The following GLIPR2 variants were observed in gnomAD, a reference collection of about 807,000 sequenced individuals.
GLIPR2 encodes Golgi-associated plant pathogenesis-related protein 1.
Under a neutral mutation model 20.4 loss-of-function variants are expected in GLIPR2, and 21 were observed. That is an observed-to-expected ratio of 1.03 (90% CI 0.73 to 1.48). The LOEUF is 1.48. Ranked by LOEUF, GLIPR2 falls within the 40% of genes most tolerant of loss-of-function variation. The pLI, the probability that GLIPR2 is intolerant of heterozygous loss-of-function variation, is 0.00. For missense variants in GLIPR2, 205 were observed against 200.1 expected, an observed-to-expected ratio of 1.02 and a Z score of -0.15; for synonymous variants, 91 against 80.5, an observed-to-expected ratio of 1.13 and a Z score of -0.70.
At chr9:36,161,901 G>A (rs1826069342) in intron 4 of GLIPR2, among the ~76,000 whole-genome samples, 1 of 152,162 alleles carries the variant, frequency 6.6e-6, no homozygotes, top group Non-Finnish European at 1.5e-5. Context: ...AATTCAGGCA[G>A]TCTGGCCAGG....
chr9:36,162,195 A>G (rs1320181208), intron 4 of GLIPR2, 167 bp from the exon 5 acceptor site: 20 of 1,505,510 alleles, frequency 1.3e-5, no homozygotes, highest in Non-Finnish European at 1.8e-5. Flanking sequence ...AAAAGAAGTC[A>G]GGCAGTCAGA....
intron 4 of GLIPR2, among the ~76,000 whole-genome samples, chr9:36,153,062 A>C (rs1036166923): frequency 1.7e-4 from 24 of 137,528 alleles, no homozygotes; most frequent in South Asian, 5.1e-4. Flanking sequence ...TGGGAGGCAG[A>C]GGTTGCCGTG....
Position 36,159,101 on chromosome 9 carries a change from G to A in GLIPR2, c.305-3261G>A, listed in dbSNP as rs141777334. The stretch of plus-strand genomic sequence containing the variant: ...AATTTATGATCGTTGAGCAAAGAAT[G>A]CATTACAGCATCAACTCTTTGACTC... On this transcript the variant is annotated intron_variant, in intron 4 of 4. Coordinates refer to ENST00000377960, the MANE Select transcript of GLIPR2 (RefSeq NM_022343.4). 2.6e-3 allele frequency among the ~76,000 whole-genome samples: 403 copies of A among 152,306 alleles called. 2 individuals are homozygous for A. The highest frequency in any genetic ancestry group is 4.2e-3 in the Non-Finnish European group (283 of 68,024).
chr9:36,162,512 C>T lies in GLIPR2; in HGVS notation c.455C>T (p.Pro152Leu), dbSNP rs147863143. ...EGFFEENVLPPKK is the reference protein window; with the variant it reads ...EGFFEENVLPLKK ...TTCTTCGAAGAAAACGTCCTGCCGC[C>T]GAAGAAGTAACTTGTTAAATGTAAT... Residue 152 changes from proline (P) to leucine (L), a missense_variant, in exon 5 of 5, where the codon CCG becomes CTG. Transcript: ENST00000377960. The T allele has an allele frequency of 6.8e-6, 11 of 1,614,000 alleles. No individual in the cohort carries two copies. The highest frequency in any genetic ancestry group is 4.5e-5 in the East Asian group (2 of 44,888).
chr9:36,156,385 TAAAAAAAAAAAA>T (rs58467311), intron 4 of GLIPR2, among the ~76,000 whole-genome samples: 2 of 77,748 alleles, frequency 2.6e-5, no homozygotes, highest in East Asian at 4.5e-4. Context: ...AAGCCATGTC[TAAAAAAAAAAAA>T]AAAAAAAAAA....
chr9:36,142,961 C>T (rs1175131273), intron 1 of GLIPR2, among the ~76,000 whole-genome samples: 1 of 152,124 alleles, frequency 6.6e-6, no homozygotes, highest in Non-Finnish European at 1.5e-5. Flanking sequence ...CCAGAAAGAC[C>T]TCCTGGCCCC....
At chr9:36,158,199 T>C (rs1192783972) in intron 4 of GLIPR2, among the ~76,000 whole-genome samples, 2 of 152,252 alleles carry the variant, frequency 1.3e-5, no homozygotes, top group African/African-American at 4.8e-5. Context: ...TCAGTACTTT[T>C]GGGTATATAC....
At chr9:36,155,040 C>A (rs989054857) in intron 4 of GLIPR2, among the ~76,000 whole-genome samples, 1 of 152,150 alleles carries the variant, frequency 6.6e-6, no homozygotes, top group Admixed American at 6.5e-5. Context: ...TATTAAGAAC[C>A]AAGGGCAAAT....
intron 4 of GLIPR2, among the ~76,000 whole-genome samples, chr9:36,154,066 A>G (rs1334372973): frequency 2.4e-5 from 3 of 127,352 alleles, no homozygotes; most frequent in African/African-American, 8.8e-5. Context: ...TATATATTAT[A>G]TATTATATAT....
chr9:36,148,634 A>C lies in GLIPR2; in HGVS notation c.210A>C (p.Ala70=), dbSNP rs777849618. The C allele has an allele frequency of 6.2e-7, 1 of 1,612,250 alleles. No individual in the cohort carries two copies. The highest frequency in any genetic ancestry group is 1.1e-5 in the South Asian group (1 of 90,990). Residue 70 remains alanine (A), a synonymous_variant, in exon 3 of 5, where the codon GCA becomes GCC. Transcript: ENST00000377960. Reference sequence around the variant, plus strand: ...AGTGTGGGGAGAACCTTGCATGGGCATCCTATGATCAGACAGGTGGGTCGC... The same window carrying C: ...AGTGTGGGGAGAACCTTGCATGGGCCTCCTATGATCAGACAGGTGGGTCGC... ...RGQCGENLAW[A]SYDQTGKEVA...
At chr9:36,151,167 G>A (rs2277172) in intron 4 of GLIPR2, 208,859 of 560,728 alleles carry the variant, frequency 0.37, 40,768 homozygotes, top group East Asian at 0.56. Context: ...TCCCTCTGAG[G>A]GCCACCAGCT....
At chr9:36,137,021 C>A (rs1824852912) in intron 1 of GLIPR2, 1 of 428,220 alleles carries the variant, frequency 2.3e-6, no homozygotes, top group Non-Finnish European at 3.9e-6. Context: ...AGTTGGGCTT[C>A]CCGACCCTGA....
rs1252971211 is a variant in GLIPR2 at position 36,163,713 on chromosome 9, A to G, written c.*1191A>G. On this transcript the variant is annotated 3_prime_UTR_variant, in exon 5 of 5. Coordinates refer to ENST00000377960, the MANE Select transcript of GLIPR2 (RefSeq NM_022343.4). The stretch of plus-strand genomic sequence containing the variant: ...TGCCCTGCTGAGTGTCCCTGAAACC[A>G]TGGCAGCTCCATCTGTCAAGATGGC... 2.0e-5 allele frequency: 3 copies of G among 152,690 alleles called. No homozygotes were observed. The East Asian group carries it at 5.8e-4, about 29-fold the overall frequency. 9.5% of individuals were successfully genotyped at this position (152,690 alleles called of 1,614,324 possible).
intron 3 of GLIPR2, among the ~76,000 whole-genome samples, chr9:36,150,512 G>A (rs887259393): frequency 2.6e-5 from 4 of 152,214 alleles, no homozygotes; most frequent in African/African-American, 9.6e-5. Context: ...ATCATCAGAA[G>A]GCCCTTGCAG....
At chr9:36,145,225 C>A (rs1825271282) in intron 1 of GLIPR2, among the ~76,000 whole-genome samples, 1 of 152,254 alleles carries the variant, frequency 6.6e-6, no homozygotes, top group Non-Finnish European at 1.5e-5. Context: ...AAAGGAACTC[C>A]CAGATTCCTG....
intron 4 of GLIPR2, among the ~76,000 whole-genome samples, chr9:36,151,480 C>T (rs1190769063): frequency 6.6e-6 from 1 of 152,090 alleles, no homozygotes; most frequent in African/African-American, 2.4e-5. Context: ...CTGGCTTTCT[C>T]CCTTCCCCTT....
rs752006426 is a variant in GLIPR2 at position 36,139,633 on chromosome 9, C to T, written c.13+2842C>T. Among the ~76,000 whole-genome samples, 274 of 152,308 alleles carry T rather than the reference C, an allele frequency of 1.8e-3. 1 individual carries two copies. The highest frequency in any genetic ancestry group is 3.1e-3 in the Non-Finnish European group (214 of 68,024). On this transcript the variant is annotated intron_variant, in intron 1 of 4. Coordinates refer to ENST00000377960, the MANE Select transcript of GLIPR2 (RefSeq NM_022343.4). ...GACCATCATAAGGAATCTGTCCCTG[C>T]CCCTTCTGGGCCTCAGTTTCCTCCT...
At chr9:36,147,722 C>G (rs1310710954) in intron 1 of GLIPR2, 64 bp from the exon 2 acceptor site, 10 of 814,420 alleles carry the variant, frequency 1.2e-5, no homozygotes, top group Non-Finnish European at 2.2e-5. Context: ...TTTCAGCATG[C>G]CATTATACTT....
intron 4 of GLIPR2, among the ~76,000 whole-genome samples, chr9:36,157,678 T>A (rs1451639703): frequency 6.8e-6 from 1 of 146,842 alleles, no homozygotes; most frequent in African/African-American, 2.6e-5. Flanking sequence ...GAATAATATC[T>A]GTTAAACACA....
Sources: allele counts gnomAD v4.1 joint callset (sites outside exome capture counted in the v4.1 genomes callset), GRCh38; gene constraint gnomAD v4.1.1; transcripts MANE v1.5; gene names NCBI Gene and HGNC (gene_info 2026-07-23, HGNC 2026-07-21).